The following TMEM232 variants were observed in gnomAD, a reference collection of about 807,000 sequenced individuals.
TMEM232 encodes transmembrane protein 232.
A neutral mutation model predicts 78.8 loss-of-function variants in TMEM232; 80 were observed. The observed-to-expected ratio is 1.01, with a 90% CI of 0.85 to 1.22. TMEM232 has a LOEUF of 1.22. TMEM232 is among the 50% of genes most tolerant of loss of function. The probability of loss-of-function intolerance (pLI) is 0.00; values close to 1 mark genes in which losing one functional copy is unlikely to be tolerated. For missense variants in TMEM232, 881 were observed against 742.2 expected (o/e 1.19, Z -2.17); for synonymous variants, 297 against 254.3 (o/e 1.17, Z -1.60).
intron 11 of TMEM232, among the ~76,000 whole-genome samples, chr5:110,540,799 A>G (rs1157500812): frequency 6.6e-6 from 1 of 152,180 alleles, no homozygotes; most frequent in Non-Finnish European, 1.5e-5. Flanking sequence ...TTCTAAATAT[A>G]CATTCCCTGT....
intron 10 of TMEM232, among the ~76,000 whole-genome samples, chr5:110,576,918 A>C (rs80220495): frequency 0.013 from 1,980 of 152,174 alleles, 37 homozygotes; most frequent in African/African-American, 0.045. Flanking sequence ...GTAAGACCCA[A>C]AACTATGAAA....
chr5:110,640,288 G>T (rs1181931361), intron 4 of TMEM232, among the ~76,000 whole-genome samples: 2 of 152,040 alleles, frequency 1.3e-5, no homozygotes, highest in East Asian at 3.9e-4. Context: ...AATTTACATG[G>T]GGGAAATTCT....
At position 110,497,571 on chromosome 5, in the gene TMEM232, C is replaced by A. The variant is rs959130912; in HGVS notation, c.1703+31017G>T. 7.0e-4 allele frequency among the ~76,000 whole-genome samples: 106 copies of A among 152,216 alleles called. 1 individual carries two copies. The highest frequency in any genetic ancestry group is 2.4e-3 in the African/African-American group (98 of 41,552). ...TAATAAGGAAATTTCACACAAAAAT[C>A]CATATTTTCAGCTTCTCTTGGAAGA... On this transcript the variant is annotated intron_variant, in intron 12 of 13. Transcript: ENST00000455884.
intron 2 of TMEM232, among the ~76,000 whole-genome samples, chr5:110,643,279 A>G (rs984479182): frequency 2.0e-5 from 3 of 152,078 alleles, no homozygotes; most frequent in Admixed American, 6.6e-5. Context: ...TGAGATGATC[A>G]TGGCCATCCA....
intron 12 of TMEM232, among the ~76,000 whole-genome samples, chr5:110,430,988 G>GA (rs1757772262): frequency 6.6e-6 from 1 of 151,674 alleles, no homozygotes; most frequent in Admixed American, 6.6e-5. Context: ...TTTATGGATT[G>GA]AAAAGTGAAA....
chr5:110,601,126 T>A (rs1460067981), intron 10 of TMEM232, among the ~76,000 whole-genome samples: 8 of 152,170 alleles, frequency 5.3e-5, no homozygotes, highest in Admixed American at 5.2e-4. Flanking sequence ...CTAAAAGCAC[T>A]CAATAAACTG....
intron 5 of TMEM232, among the ~76,000 whole-genome samples, chr5:110,630,926 A>G (rs1162624365): frequency 6.6e-6 from 1 of 152,106 alleles, no homozygotes; most frequent in African/African-American, 2.4e-5. Context: ...ACAGTGAGCT[A>G]GAGACCCCTG....
chr5:110,445,205 A>G (rs955279520), intron 12 of TMEM232, among the ~76,000 whole-genome samples: 2 of 151,796 alleles, frequency 1.3e-5, no homozygotes, highest in African/African-American at 2.4e-5. Flanking sequence ...ATCCCTGTCT[A>G]TTATGTTGGA....
chr5:110,411,736 A>G (rs1001891832), intron 2 of TMEM232, among the ~76,000 whole-genome samples: 1 of 152,154 alleles, frequency 6.6e-6, no homozygotes, highest in African/African-American at 2.4e-5. Context: ...GGTGCCCTTA[A>G]GTTTATTCCA....
At chr5:110,574,635 G>A (rs370399199) in intron 10 of TMEM232, among the ~76,000 whole-genome samples, 114 of 152,066 alleles carry the variant, frequency 7.5e-4, no homozygotes, top group African/African-American at 2.7e-3. Context: ...ATGTGACCAA[G>A]CCCCCCCAAA....
chr5:110,487,648 G>C (rs1764612106), intron 12 of TMEM232, among the ~76,000 whole-genome samples: 1 of 151,872 alleles, frequency 6.6e-6, no homozygotes, highest in African/African-American at 2.4e-5. Context: ...CTGCATCCCT[G>C]GTATAAAACC....
intron 1 of TMEM232, among the ~76,000 whole-genome samples, chr5:110,698,896 A>C (rs1053021466): frequency 6.6e-6 from 1 of 152,026 alleles, no homozygotes; most frequent in Non-Finnish European, 1.5e-5. Context: ...TCCTTCTGAG[A>C]GCAATTGCGA....
In TMEM232 at chr5:110,420,565, C is replaced by A; in HGVS notation, c.*15G>T. On this transcript the variant is annotated 3_prime_UTR_variant, in exon 14 of 14. Transcript: ENST00000455884. Reference sequence around the variant, plus strand: ...TGTAGTCCTCAATTTTGGGAGGTGACATTTTCTTTTCTAATTAAATTACTT... The same window carrying A: ...TGTAGTCCTCAATTTTGGGAGGTGAAATTTTCTTTTCTAATTAAATTACTT... The A allele has an allele frequency of 1.4e-6, 2 of 1,434,500 alleles. No individual in the cohort carries two copies. Among genetic ancestry groups the A allele is most frequent in the Middle Eastern group, 2.1e-4 (1 of 4,754 alleles). 88.9% of individuals were successfully genotyped at this position (1,434,500 alleles called of 1,614,324 possible).
At chr5:110,451,266 C>A (rs1362394496) in intron 12 of TMEM232, among the ~76,000 whole-genome samples, 4 of 152,094 alleles carry the variant, frequency 2.6e-5, no homozygotes, top group Non-Finnish European at 5.9e-5. Context: ...CTTTAAATCC[C>A]AAATTCCTTG....
At chr5:110,475,754 AGCTG>A (rs1561542187) in intron 12 of TMEM232, among the ~76,000 whole-genome samples, 195 of 152,096 alleles carry the variant, frequency 1.3e-3, no homozygotes, top group African/African-American at 4.5e-3. Flanking sequence ...TTCCCCACTC[AGCTG>A]AGTACTCATT....
chr5:110,721,670 T>TATATATATATATATATATA (rs1248159653), intron 1 of TMEM232, among the ~76,000 whole-genome samples: 1 of 100,980 alleles, frequency 9.9e-6, no homozygotes, highest in Non-Finnish European at 2.1e-5. Context: ...TGTGTGTGTG[T>TATATATATATATATATATA]GTGTATATAT....
At chr5:110,428,803 C>T (rs1196116191) in intron 12 of TMEM232, among the ~76,000 whole-genome samples, 8 of 151,732 alleles carry the variant, frequency 5.3e-5, no homozygotes, top group Admixed American at 4.0e-4. Context: ...TTACTTTAAT[C>T]ACATCTACAA....
chr5:110,649,229 G>A (rs928523750), intron 2 of TMEM232, among the ~76,000 whole-genome samples: 1 of 152,006 alleles, frequency 6.6e-6, no homozygotes, highest in Non-Finnish European at 1.5e-5. Context: ...ATTTGGGAGA[G>A]TAAAAACAGT....
chr5:110,402,275 C>T (rs915164466), intron 2 of TMEM232, among the ~76,000 whole-genome samples: 10 of 152,164 alleles, frequency 6.6e-5, no homozygotes, highest in Non-Finnish European at 1.3e-4. Flanking sequence ...AAGAAGATTG[C>T]TGTTGTTGCT....
Sources: allele counts gnomAD v4.1 joint callset (sites outside exome capture counted in the v4.1 genomes callset), GRCh38; gene constraint gnomAD v4.1.1; transcripts MANE v1.5; gene names NCBI Gene and HGNC (gene_info 2026-07-23, HGNC 2026-07-21).